The following CLASP2 variants were observed in gnomAD, a reference collection of about 807,000 sequenced individuals.
CLASP2 encodes the protein cytoplasmic linker associated protein 2.
A neutral mutation model predicts 194.4 loss-of-function variants in CLASP2; 47 were observed. That is an observed-to-expected ratio of 0.24 (90% confidence interval 0.19 to 0.31). CLASP2 has a LOEUF of 0.31. Ranked by LOEUF, CLASP2 falls within the 10% of genes least tolerant of loss-of-function variation. The probability of loss-of-function intolerance (pLI) is 1.00; values close to 1 mark genes in which losing one functional copy is unlikely to be tolerated. For synonymous variants in CLASP2, 619 were observed against 633.5 expected (o/e 0.98, Z 0.34); for missense variants, 1,445 against 1,823.6 (o/e 0.79, Z 3.78).
chr3:33,563,824 A>G, intron 27 of CLASP2: 1 of 450,118 alleles, frequency 2.2e-6, no homozygotes, highest in Non-Finnish European at 4.5e-6. Context: ...TAATGTCTAA[A>G]ATACCTGGAC....
At position 33,597,667 on chromosome 3, in the gene CLASP2, A is replaced by G. The variant is rs144393187; in HGVS notation, c.1925-933T>C. On this transcript the variant is annotated intron_variant, in intron 18 of 38. Coordinates refer to ENST00000682230, the MANE Select transcript of CLASP2 (RefSeq NM_001365631.1). ...TGTGCAAGCAGAGTGCCAATCCCCT[A>G]CTGGCCCCCCAGCGTGAGTCTTAAG... 6.0e-3 allele frequency among the ~76,000 whole-genome samples: 906 copies of G among 151,992 alleles called. 6 individuals are homozygous for G. The highest frequency in any genetic ancestry group is 0.011 in the Middle Eastern group (3 of 284).
Position 33,583,418 on chromosome 3 carries a change from G to A in CLASP2, c.2239+1332C>T, listed in dbSNP as rs74640151. ...TTATAACAGGAACACTCTCCTTCAA[G>A]TGGTCCCTAGGGAACTCACTGTACC... On this transcript the variant is annotated intron_variant, in intron 22 of 38. Coordinates refer to ENST00000682230, the MANE Select transcript of CLASP2 (RefSeq NM_001365631.1). Among the ~76,000 whole-genome samples, 37 of 152,290 alleles carry A rather than the reference G, an allele frequency of 2.4e-4. No homozygotes were observed. In the East Asian group the frequency reaches 5.6e-3, roughly 23 times the overall value.
intron 6 of CLASP2, among the ~76,000 whole-genome samples, chr3:33,668,949 G>A (rs1457715964): frequency 6.6e-6 from 1 of 152,204 alleles, no homozygotes; most frequent in Non-Finnish European, 1.5e-5. Flanking sequence ...GCCTATTTCA[G>A]TAAGAACATT....
chr3:33,539,340 T>G (rs946948626), intron 32 of CLASP2, among the ~76,000 whole-genome samples: 1 of 152,178 alleles, frequency 6.6e-6, no homozygotes, highest in Non-Finnish European at 1.5e-5. Context: ...ATAAATTTTT[T>G]CTTTTTTTTT....
chr3:33,551,710 G>A (rs2060031698), intron 29 of CLASP2, among the ~76,000 whole-genome samples: 1 of 152,102 alleles, frequency 6.6e-6, no homozygotes. Flanking sequence ...TCAGAACTTC[G>A]AGGTCCCAGG....
chr3:33,504,057 T>C (rs1255407183), intron 37 of CLASP2: 2 of 152,244 alleles, frequency 1.3e-5, no homozygotes, highest in African/African-American at 4.8e-5. Flanking sequence ...GAGTTCTTTA[T>C]ATATACTCTG....
At chr3:33,618,417 G>A (rs1247972180) in intron 12 of CLASP2, among the ~76,000 whole-genome samples, 2 of 152,246 alleles carry the variant, frequency 1.3e-5, no homozygotes, top group East Asian at 3.9e-4. Context: ...GGCTGAGGCA[G>A]GCACATCATT....
intron 37 of CLASP2, among the ~76,000 whole-genome samples, chr3:33,508,833 A>G (rs1009051665): frequency 2.0e-5 from 3 of 152,240 alleles, no homozygotes; most frequent in Non-Finnish European, 4.4e-5. Flanking sequence ...ATATAAACTC[A>G]TGAATTTCAC....
intron 7 of CLASP2, among the ~76,000 whole-genome samples, chr3:33,657,543 C>T (rs1234655280): frequency 2.0e-5 from 3 of 150,088 alleles, no homozygotes; most frequent in Non-Finnish European, 4.4e-5. Context: ...CTGGATATGG[C>T]CCACACCAAA....
At chr3:33,537,267 A>C (rs1288664926) in intron 33 of CLASP2, among the ~76,000 whole-genome samples, 1 of 152,226 alleles carries the variant, frequency 6.6e-6, no homozygotes, top group Non-Finnish European at 1.5e-5. Context: ...GCAGCTTTGA[A>C]GGGTAGGGAA....
chr3:33,692,055 G>T (rs549495703), intron 2 of CLASP2, among the ~76,000 whole-genome samples: 68 of 152,196 alleles, frequency 4.5e-4, no homozygotes, highest in Non-Finnish European at 2.1e-4. Context: ...CTGTAGCCCA[G>T]CTACTTGGGA....
intron 13 of CLASP2, among the ~76,000 whole-genome samples, chr3:33,611,795 T>C (rs2075231553): frequency 6.6e-6 from 1 of 152,068 alleles, no homozygotes; most frequent in Non-Finnish European, 1.5e-5. Flanking sequence ...CTTAATATGA[T>C]AAAACTAAGA....
intron 28 of CLASP2, among the ~76,000 whole-genome samples, 199 bp downstream of exon 28, chr3:33,560,608 TA>T (rs1006644654): frequency 4.6e-5 from 7 of 151,234 alleles, no homozygotes; most frequent in African/African-American, 1.2e-4. Flanking sequence ...ACAATTTTTA[TA>T]AAAAAAAATG....
chr3:33,588,773 C>T, intron 21 of CLASP2: 2 of 700,366 alleles, frequency 2.9e-6, no homozygotes, highest in Non-Finnish European at 5.2e-6. Flanking sequence ...GGATTATAAT[C>T]CATGAAGAGG....
At chr3:33,716,040 G>C (rs959819451) in intron 1 of CLASP2, among the ~76,000 whole-genome samples, 1 of 152,130 alleles carries the variant, frequency 6.6e-6, no homozygotes, top group African/African-American at 2.4e-5. Context: ...CAATGTCCTT[G>C]AGTAAGCAAG....
At chr3:33,634,207 G>A (rs1419536951) in intron 8 of CLASP2, among the ~76,000 whole-genome samples, 1 of 152,136 alleles carries the variant, frequency 6.6e-6, no homozygotes, top group African/African-American at 2.4e-5. Context: ...TTTGAAAGAA[G>A]AAAATATTGG....
Position 33,630,558 on chromosome 3 carries a change from T to TAA in CLASP2, c.942+1732_942+1733dup, listed in dbSNP as rs11387497. 4.5e-3 allele frequency among the ~76,000 whole-genome samples: 672 copies of TAA among 150,654 alleles called. 4 individuals carry two copies. Among genetic ancestry groups the TAA allele is most frequent in the African/African-American group, 0.014 (596 of 41,140 alleles). ...TAAACAGCTTTATCTTTAAAGAGCGTAAAAAAAAAATCAGATTCTAATCAA... is the reference window on the plus strand; with the variant it reads ...TAAACAGCTTTATCTTTAAAGAGCGTAAAAAAAAAAAATCAGATTCTAATCAA... On this transcript the variant is annotated intron_variant, in intron 9 of 38. Coordinates refer to ENST00000682230, the MANE Select transcript of CLASP2 (RefSeq NM_001365631.1).
intron 1 of CLASP2, 55 bp downstream of exon 1, chr3:33,717,753 A>T: frequency 6.5e-7 from 1 of 1,535,108 alleles, no homozygotes; most frequent in Admixed American, 2.0e-5. Flanking sequence ...CGCGTCCGGG[A>T]TTAAAGGGCT....
chr3:33,551,109 C>A (rs1222030671), intron 30 of CLASP2, 143 bp downstream of exon 30: 2 of 657,268 alleles, frequency 3.0e-6, no homozygotes, highest in East Asian at 3.0e-5. Context: ...AAATTTGAAA[C>A]AATTTTAAAG....
Sources: gnomAD v4.1 joint callset for allele counts (sites outside exome capture counted in the v4.1 genomes callset) on GRCh38, gnomAD v4.1.1 for gene constraint, MANE v1.5 for transcripts, NCBI Gene and HGNC (gene_info 2026-07-23, HGNC 2026-07-21) for gene names.